The following ZNF148 variants were observed in gnomAD, a reference collection of about 807,000 sequenced individuals.
ZNF148 encodes Beta-Enolase Repressor Factor-1.
ZNF148 carries 7 observed loss-of-function variants against 67.7 expected under a neutral mutation model. The observed-to-expected ratio is 0.10, with a 90% confidence interval of 0.06 to 0.19. The LOEUF is 0.19. Among genes scored for constraint, ZNF148 ranks in the 10% least tolerant of loss-of-function variants. ZNF148 has a pLI of 1.00. For synonymous variants in ZNF148, 333 were observed against 330.7 expected (o/e 1.01, Z -0.08); for missense variants, 583 against 947.1 (o/e 0.62, Z 5.05).
intron 4 of ZNF148, among the ~76,000 whole-genome samples, chr3:125,308,826 T>G (rs1189110640): frequency 6.6e-6 from 1 of 152,126 alleles, no homozygotes; most frequent in Non-Finnish European, 1.5e-5. Context: ...TCATAGTAAT[T>G]GAAAGCAAGA....
At chr3:125,317,236 A>C (rs1028900173) in intron 3 of ZNF148, among the ~76,000 whole-genome samples, 1 of 152,228 alleles carries the variant, frequency 6.6e-6, no homozygotes, top group Non-Finnish European at 1.5e-5. Flanking sequence ...AATACCAGCA[A>C]GTACTAAGAT....
chr3:125,275,285 T>C (rs1283404983), intron 7 of ZNF148, among the ~76,000 whole-genome samples: 1 of 152,214 alleles, frequency 6.6e-6, no homozygotes, highest in Non-Finnish European at 1.5e-5. Flanking sequence ...CTTATCTTCT[T>C]CTACACTGTT....
At chr3:125,293,443 T>C (rs1262221105) in intron 4 of ZNF148, among the ~76,000 whole-genome samples, 1 of 152,184 alleles carries the variant, frequency 6.6e-6, no homozygotes, top group Non-Finnish European at 1.5e-5. Flanking sequence ...AGAACTTAGT[T>C]TCTAAATGCC....
intron 4 of ZNF148, among the ~76,000 whole-genome samples, chr3:125,312,489 C>T (rs71325828): frequency 2.5e-3 from 374 of 152,248 alleles, no homozygotes; most frequent in Admixed American, 7.6e-3. Flanking sequence ...AGAGAAGCAT[C>T]GTACAAGTAA....
At chr3:125,343,976 T>G (rs1054398751) in intron 1 of ZNF148, 1 of 166,576 alleles carries the variant, frequency 6.0e-6, no homozygotes, top group Non-Finnish European at 1.3e-5. Flanking sequence ...ACAATTATAC[T>G]GAAAGTTGAG....
chr3:125,330,465 CAAAAAAAA>C (rs200643048), intron 2 of ZNF148, among the ~76,000 whole-genome samples: 62,013 of 118,926 alleles, frequency 0.52, 15,050 homozygotes, highest in Middle Eastern at 0.64. Context: ...AACCCTATCT[CAAAAAAAA>C]AAAAAAAAAA....
chr3:125,318,842 C>T (rs1406649610), intron 3 of ZNF148, among the ~76,000 whole-genome samples: 1 of 152,126 alleles, frequency 6.6e-6, no homozygotes, highest in African/African-American at 2.4e-5. Flanking sequence ...CCTAAATCTC[C>T]CTTTCGCAGA....
chr3:125,288,453 T>A (rs1938825417), intron 4 of ZNF148, among the ~76,000 whole-genome samples: 1 of 151,774 alleles, frequency 6.6e-6, no homozygotes. Flanking sequence ...ATTTTTTTTT[T>A]AATCTACCTG....
chr3:125,266,649 T>G (rs1336879030), intron 7 of ZNF148, among the ~76,000 whole-genome samples: 1 of 151,928 alleles, frequency 6.6e-6, no homozygotes, highest in Non-Finnish European at 1.5e-5. Flanking sequence ...TCATGTAACA[T>G]CACACCTAAA....
Position 125,227,438 on chromosome 3 carries a change from C to T in ZNF148, c.*4903G>A, listed in dbSNP as rs1935685713. On this transcript the variant is annotated 3_prime_UTR_variant, in exon 9 of 9. Transcript: ENST00000360647. ...ATATATCAGAAAATTCAACGTGCTC[C>T]ACCATCAGGATTTCCATCACACACA... 2 of 152,534 alleles carry T rather than the reference C, an allele frequency of 1.3e-5. No individual in the cohort carries two copies. The highest frequency in any genetic ancestry group is 2.1e-4 in the South Asian group (1 of 4,830). The allele number at this position is 152,534 out of a possible 1,614,324, so 9.4% of individuals were successfully genotyped here. A position where few individuals can be genotyped will look rare whatever the true frequency, so the allele number is the denominator to read the frequency against.
intron 7 of ZNF148, among the ~76,000 whole-genome samples, chr3:125,245,382 G>A (rs942460407): frequency 2.6e-5 from 4 of 152,124 alleles, no homozygotes; most frequent in African/African-American, 4.8e-5. Context: ...CTGCCACCAC[G>A]TAAGACTTGC....
chr3:125,374,888 C>G, intron 1 of ZNF148, among the ~76,000 whole-genome samples: 1 of 151,924 alleles, frequency 6.6e-6, no homozygotes, highest in Non-Finnish European at 1.5e-5. Flanking sequence ...CTCCTCAACC[C>G]CCCAACCCAC....
Position 125,226,295 on chromosome 3 carries a change from T to C in ZNF148, c.*6046A>G, listed in dbSNP as rs1302309226. 1 of 152,530 alleles carries C rather than the reference T, an allele frequency of 6.6e-6. No homozygotes were observed. The allele number at this position is 152,530 out of a possible 1,614,324, so 9.4% of individuals were successfully genotyped here. On this transcript the variant is annotated 3_prime_UTR_variant, in exon 9 of 9. Transcript: ENST00000360647. ...TCTTTACGGTTATATCTATGCACCA[T>C]GATTTTTGCATATTTACCATTCGTT...
At chr3:125,317,323 T>C (rs962061704) in intron 3 of ZNF148, among the ~76,000 whole-genome samples, 7 of 152,140 alleles carry the variant, frequency 4.6e-5, no homozygotes, top group Non-Finnish European at 1.0e-4. Context: ...TGGAAATATC[T>C]ATCAAAATGA....
At position 125,320,611 on chromosome 3, in the gene ZNF148, C is replaced by A. The variant is rs116007646; in HGVS notation, c.-17+2698G>T. ...TAGGCAAGCTTCTGAACCTAATCAT[C>A]ATCGTCTTTTGTATAAAAAGAGTAA... On this transcript the variant is annotated intron_variant, in intron 3 of 8. Coordinates refer to ENST00000360647, the MANE Select transcript of ZNF148 (RefSeq NM_021964.3). 7.8e-3 allele frequency among the ~76,000 whole-genome samples: 1,190 copies of A among 152,288 alleles called. 10 individuals are homozygous for A. The highest frequency in any genetic ancestry group is 0.013 in the Non-Finnish European group (918 of 68,012).
chr3:125,261,628 T>C (rs1303273457), intron 7 of ZNF148, among the ~76,000 whole-genome samples: 1 of 152,094 alleles, frequency 6.6e-6, no homozygotes, highest in Non-Finnish European at 1.5e-5. Flanking sequence ...ACCTAAGTAC[T>C]AAACGACATG....
At position 125,228,244 on chromosome 3, in the gene ZNF148, G is replaced by A. The variant is rs1935716880; in HGVS notation, c.*4097C>T. ...AAAAAACCACATCCCTTCCTTCAGT[G>A]TGATGGGCACTAAGTTTTGCGGTCT... is the stretch of plus-strand genomic sequence containing the variant. On this transcript the variant is annotated 3_prime_UTR_variant, in exon 9 of 9. Transcript: ENST00000360647. 1 of 152,604 alleles carries A rather than the reference G, an allele frequency of 6.6e-6. No homozygotes were observed. Among genetic ancestry groups the A allele is most frequent in the South Asian group, 2.1e-4 (1 of 4,828 alleles). The allele number at this position is 152,604 out of a possible 1,614,324, so 9.5% of individuals were successfully genotyped here.
chr3:125,232,109 C>A lies in ZNF148; in HGVS notation c.*232G>T. The A allele has an allele frequency of 2.4e-6, 1 of 419,602 alleles. No homozygotes were observed. Among genetic ancestry groups the A allele is most frequent in the Non-Finnish European group, 4.1e-6 (1 of 243,938 alleles). 26.0% of individuals were successfully genotyped at this position (419,602 alleles called of 1,614,324 possible). ...GTGGGTGGAATAGCAAGTTTCTGAT[C>A]TAAAACAAGTAATGCATTGCTTCTA... On this transcript the variant is annotated 3_prime_UTR_variant, in exon 9 of 9. Transcript: ENST00000360647. The surrounding 1 kb of genome is among the most constrained non-coding windows in gnomAD (Gnocchi z 4.2).
chr3:125,325,199 GAAGTTT>G (rs1940966215), intron 2 of ZNF148, among the ~76,000 whole-genome samples: 1 of 152,108 alleles, frequency 6.6e-6, no homozygotes, highest in Non-Finnish European at 1.5e-5. Context: ...TGGAAATCCT[GAAGTTT>G]AAGAATACAG....
Sources: allele counts gnomAD v4.1 joint callset (sites outside exome capture counted in the v4.1 genomes callset), GRCh38; gene constraint gnomAD v4.1.1; non-coding constraint Gnocchi (gnomAD v3.1); transcripts MANE v1.5; gene names NCBI Gene and HGNC (gene_info 2026-07-23, HGNC 2026-07-21).